Variants in CAST observed in about 807,000 individuals in gnomAD.
CAST encodes the protein calpastatin, also known as MIR583 host.
A neutral mutation model predicts 119.6 loss-of-function variants in CAST; 76 were observed. That is an observed-to-expected ratio of 0.64 (90% CI 0.53 to 0.77). CAST has a LOEUF of 0.77. CAST is among the 30% of genes least tolerant of loss of function. The pLI is 0.00. For missense variants in CAST, 953 were observed against 946.5 expected (o/e 1.01, Z -0.09); for synonymous variants, 319 against 331.6 (o/e 0.96, Z 0.41).
the CAST span, among the ~76,000 whole-genome samples, chr5:96,017,126 A>G: frequency 6.6e-6 from 1 of 151,974 alleles, no homozygotes; most frequent in African/African-American, 2.4e-5. Flanking sequence ...GTGAGCCACC[A>G]AGGCCGGCCG....
chr5:96,640,472 T>C (rs1580855702), intron 1 of CAST, among the ~76,000 whole-genome samples: 1 of 152,204 alleles, frequency 6.6e-6, no homozygotes, highest in Admixed American at 6.5e-5. Flanking sequence ...CTCCAGATAG[T>C]AAAACACCTA....
chr5:96,752,961 T>C (rs975800424), intron 20 of CAST, among the ~76,000 whole-genome samples: 6 of 143,320 alleles, frequency 4.2e-5, no homozygotes, highest in South Asian at 2.2e-4. Context: ...ATGCATTTTA[T>C]ACACACACAC....
intron 19 of CAST, among the ~76,000 whole-genome samples, chr5:96,750,365 C>T (rs1319461834): frequency 1.3e-5 from 2 of 152,044 alleles, no homozygotes; most frequent in Non-Finnish European, 2.9e-5. Flanking sequence ...TCACGAGTTT[C>T]AGTAACCTGC....
At chr5:96,523,899 A>G (rs263350), upstream of CAST, among the ~76,000 whole-genome samples, 52,200 of 152,114 alleles carry the variant, frequency 0.34, 9,218 homozygotes, top group Middle Eastern at 0.41. Flanking sequence ...GCTGCAATGA[A>G]TGCCACAATT....
the CAST span, among the ~76,000 whole-genome samples, chr5:96,235,785 C>A: frequency 6.6e-6 from 1 of 152,148 alleles, no homozygotes; most frequent in African/African-American, 2.4e-5. Context: ...AATTCCCTGC[C>A]TCTGAAAATC....
intron 1 of CAST, among the ~76,000 whole-genome samples, chr5:96,575,797 G>A (rs1016248148): frequency 4.6e-5 from 7 of 151,766 alleles, no homozygotes; most frequent in African/African-American, 1.2e-4. Context: ...CACGTGCCTC[G>A]ATGCCCAGCT....
intron 16 of CAST, among the ~76,000 whole-genome samples, chr5:96,745,469 A>G (rs1429405666): frequency 6.6e-6 from 1 of 152,170 alleles, no homozygotes; most frequent in Non-Finnish European, 1.5e-5. Context: ...AAATGTTACT[A>G]ATTACAATTG....
chr5:96,529,372 G>GTTT (rs11397914), upstream of CAST, among the ~76,000 whole-genome samples: 414 of 146,422 alleles, frequency 2.8e-3, no homozygotes, highest in Middle Eastern at 0.011. Flanking sequence ...TAATCATTGG[G>GTTT]TTTTTTTTTT....
the CAST span, among the ~76,000 whole-genome samples, chr5:96,317,508 T>C: frequency 6.9e-6 from 1 of 145,012 alleles, no homozygotes; most frequent in Admixed American, 6.9e-5. Context: ...AAAAGAATGG[T>C]GTCATCCTAT....
chr5:96,681,497 G>A (rs1480377580), intron 2 of CAST, among the ~76,000 whole-genome samples: 1 of 151,966 alleles, frequency 6.6e-6, no homozygotes, highest in Non-Finnish European at 1.5e-5. Context: ...ACTTTGGGAG[G>A]CCGAGGCGGG....
rs1757323173 is a variant in CAST at position 96,717,103 on chromosome 5, ATTT to A, written c.211-5533_211-5531del. On this transcript the variant is annotated intron_variant, in intron 3 of 31. Transcript: ENST00000675179. ...GAAACAAAAATGTGAATCAACTGTG[ATTT>A]TTGAGCCCCTCTCTGCTACTGTATA... Among the ~76,000 whole-genome samples the A allele has an allele frequency of 2.6e-5, 4 of 152,216 alleles. No homozygotes were observed. The South Asian group carries it at 8.3e-4, about 32-fold the overall frequency.
chr5:96,586,857 A>G (rs1020685412), intron 1 of CAST, among the ~76,000 whole-genome samples: 12 of 152,130 alleles, frequency 7.9e-5, no homozygotes, highest in African/African-American at 2.4e-5. Flanking sequence ...TTAGCCAGGC[A>G]CTCTGTTAAG....
At chr5:96,769,344 G>A (rs531848358) in intron 29 of CAST, 53 of 146,964 alleles carry the variant, frequency 3.6e-4, no homozygotes, top group African/African-American at 1.1e-3. Context: ...TTCCTCGGTT[G>A]TTTCCCATTG....
the CAST span, among the ~76,000 whole-genome samples, chr5:96,086,822 C>T: frequency 6.6e-6 from 1 of 152,048 alleles, no homozygotes; most frequent in Non-Finnish European, 1.5e-5. Context: ...TTCTAATCTG[C>T]CTTCAAATTA....
At chr5:96,400,137 C>G in the CAST span, 1 of 1,614,174 alleles carries the variant, frequency 6.2e-7, no homozygotes, top group Non-Finnish European at 8.5e-7. Context: ...GGGTCATACT[C>G]AGAGGTCCAG....
At chr5:96,638,951 T>C (rs1240505768) in intron 1 of CAST, among the ~76,000 whole-genome samples, 2 of 152,192 alleles carry the variant, frequency 1.3e-5, no homozygotes, top group Non-Finnish European at 2.9e-5. Context: ...ACAGCCTGCC[T>C]CAGAGGACTT....
At chr5:96,258,252 T>C in the CAST span, among the ~76,000 whole-genome samples, 1,397 of 152,284 alleles carry the variant, frequency 9.2e-3, 26 homozygotes, top group African/African-American at 0.033. Flanking sequence ...TTATCAGACC[T>C]GGACATGATC....
At chr5:96,477,768 A>G in the CAST span, among the ~76,000 whole-genome samples, 1 of 152,190 alleles carries the variant, frequency 6.6e-6, no homozygotes, top group Admixed American at 6.5e-5. Context: ...CCGTGTTGGA[A>G]CTTATAATCA....
the CAST span, among the ~76,000 whole-genome samples, chr5:96,300,604 G>A: frequency 6.6e-6 from 1 of 151,700 alleles, no homozygotes; most frequent in African/African-American, 2.4e-5. Context: ...CCATAGACAT[G>A]TTAGAATTTT....
Sources: gnomAD v4.1 joint callset for allele counts (sites outside exome capture counted in the v4.1 genomes callset) on GRCh38, gnomAD v4.1.1 for gene constraint, MANE v1.5 for transcripts, NCBI Gene and HGNC (gene_info 2026-07-23, HGNC 2026-07-21) for gene names.